KMT5A: variants seen among roughly 807,000 people sequenced by gnomAD.
KMT5A encodes the protein N-lysine methyltransferase KMT5A.
Under a neutral mutation model 40.6 loss-of-function variants are expected in KMT5A, and 6 were observed. The ratio of observed to expected loss-of-function variants is 0.15; its 90% CI spans 0.08 to 0.29. The LOEUF (loss-of-function observed/expected upper bound fraction) is 0.29. KMT5A is among the 10% of genes least tolerant of loss of function. KMT5A has a pLI of 1.00. For synonymous variants in KMT5A, 153 were observed against 178.8 expected, an observed-to-expected ratio of 0.86 and a Z score of 1.15; for missense variants, 308 against 459.1, an observed-to-expected ratio of 0.67 and a Z score of 3.01.
chr12:123,398,301 A>G (rs541845084), intron 5 of KMT5A, among the ~76,000 whole-genome samples: 1 of 150,756 alleles, frequency 6.6e-6, no homozygotes, highest in Admixed American at 6.6e-5. Flanking sequence ...AAAAGACAGC[A>G]CTGCAGATGG....
intron 3 of KMT5A, among the ~76,000 whole-genome samples, chr12:123,393,880 G>A (rs1877489917): frequency 6.6e-6 from 1 of 151,990 alleles, no homozygotes; most frequent in African/African-American, 2.4e-5. Flanking sequence ...TGGACATTTG[G>A]GTTGTTTCCA....
intron 1 of KMT5A, among the ~76,000 whole-genome samples, chr12:123,387,085 G>C (rs28565984): frequency 0.89 from 135,482 of 152,182 alleles, 60,435 homozygotes; most frequent in Middle Eastern, 0.95. Flanking sequence ...TCAAACTCCT[G>C]ATTTCAGGTG....
At chr12:123,390,122 G>C (rs761081287) in intron 2 of KMT5A, 63 of 468,052 alleles carry the variant, frequency 1.3e-4, no homozygotes, top group Non-Finnish European at 2.6e-4. Flanking sequence ...CAGCCCTGGA[G>C]GCTGCGGGGC....
Position 123,403,578 on chromosome 12 carries a change from A to G in KMT5A, c.603A>G (p.Glu201=), listed in dbSNP as rs1566081938. The change falls in exon 6 of 8, where the codon GAA becomes GAG. Residue 201 remains glutamate (E), a synonymous_variant. Transcript: ENST00000402868. ...SRKSKAELQS[E]ERKRIDELIE... ...TTTTCTTTCTCTCTGCCCAGTCTGAAGAAAGGAAAAGAATAGATGAATTGA... is the reference window on the plus strand; with the variant it reads ...TTTTCTTTCTCTCTGCCCAGTCTGAGGAAAGGAAAAGAATAGATGAATTGA... The G allele has an allele frequency of 6.2e-7, 1 of 1,614,202 alleles. No homozygotes were observed. The highest frequency in any genetic ancestry group is 8.5e-7 in the Non-Finnish European group (1 of 1,180,008).
intron 3 of KMT5A, among the ~76,000 whole-genome samples, chr12:123,393,213 G>T (rs1479055391): frequency 6.6e-6 from 1 of 152,108 alleles, no homozygotes; most frequent in African/African-American, 2.4e-5. Context: ...TGTTTATCTA[G>T]ATATAGTTAA....
chr12:123,403,253 C>T (rs1878312112), intron 5 of KMT5A, among the ~76,000 whole-genome samples: 1 of 152,222 alleles, frequency 6.6e-6, no homozygotes, highest in Admixed American at 6.5e-5. Flanking sequence ...CAGGTGTGGG[C>T]AAGTTGGACA....
Position 123,396,276 on chromosome 12 carries a change from T to C in KMT5A, c.510-69T>C, listed in dbSNP as rs573955992. On this transcript the variant is annotated intron_variant, in intron 4 of 7. Transcript: ENST00000402868. ...CTGTGTGCCTCCTCGGTGTGTGCCTTCTAAGGAGCTGTGTGCCTCCAGGTT... is the reference window on the plus strand; with the variant it reads ...CTGTGTGCCTCCTCGGTGTGTGCCTCCTAAGGAGCTGTGTGCCTCCAGGTT... 1.4e-5 allele frequency: 21 copies of C among 1,468,734 alleles called. No individual in the cohort carries two copies. In the African/African-American group the frequency reaches 2.8e-4, roughly 19 times the overall value. 91.0% of individuals were successfully genotyped at this position (1,468,734 alleles called of 1,614,324 possible). A position where few individuals can be genotyped will look rare whatever the true frequency, so the allele number is the denominator to read the frequency against.
intron 5 of KMT5A, among the ~76,000 whole-genome samples, chr12:123,398,959 G>T (rs936438248): frequency 6.6e-5 from 10 of 152,146 alleles, no homozygotes; most frequent in South Asian, 2.1e-4. Context: ...GCCAGGGCGG[G>T]CCTAGCGCCA....
At chr12:123,395,346 A>G (rs771611260) in intron 4 of KMT5A, 80 bp downstream of exon 4, 50 of 1,436,384 alleles carry the variant, frequency 3.5e-5, no homozygotes, top group Middle Eastern at 1.7e-4. Flanking sequence ...TCAGGTGCCC[A>G]TGGGGGTTCA....
chr12:123,395,280 T>A lies in KMT5A; in HGVS notation c.509+14T>A, dbSNP rs553027265. 86 of 1,609,144 alleles carry A rather than the reference T, an allele frequency of 5.3e-5. No homozygotes were observed. Among genetic ancestry groups the A allele is most frequent in the Non-Finnish European group, 6.2e-5 (73 of 1,177,960 alleles). Reference sequence around the variant, plus strand: ...CCCCCGAAAAAAGTAAGTGCCCCATTCAGTCCTCTTCCTAACGTGGAGCAG... The same window carrying A: ...CCCCCGAAAAAAGTAAGTGCCCCATACAGTCCTCTTCCTAACGTGGAGCAG... On this transcript the variant is annotated intron_variant, in intron 4 of 7. Transcript: ENST00000402868.
At chr12:123,396,313 T>C (rs758703703) in intron 4 of KMT5A, 32 bp from the exon 5 acceptor site, 39 of 1,607,598 alleles carry the variant, frequency 2.4e-5, no homozygotes, top group Non-Finnish European at 2.9e-5. Flanking sequence ...TCAGTCCTGA[T>C]ATTTATTTTC....
At chr12:123,389,302 C>A (rs1222310204) in intron 1 of KMT5A, 131 bp from the exon 2 acceptor site, 1 of 520,848 alleles carries the variant, frequency 1.9e-6, no homozygotes, top group Non-Finnish European at 2.4e-6. Context: ...GGCGGCTCAC[C>A]AGAGCCGGGG....
intron 1 of KMT5A, chr12:123,388,685 T>C (rs1593453834): frequency 6.6e-6 from 1 of 151,414 alleles, no homozygotes; most frequent in East Asian, 2.0e-4. Flanking sequence ...CCGCTGCTGA[T>C]TTCGTCTGGC....
rs1293691572 is a variant in KMT5A, at chr12:123,389,154, G to A, written c.11-279G>A. 4.6e-5 allele frequency: 6 copies of A among 129,254 alleles called. 1 individual carries two copies. The highest frequency in any genetic ancestry group is 8.5e-5 in the Non-Finnish European group (5 of 59,042). 8.0% of individuals were successfully genotyped at this position (129,254 alleles called of 1,614,324 possible). A position where few individuals can be genotyped will look rare whatever the true frequency, so the allele number is the denominator to read the frequency against. Reference sequence around the variant, plus strand: ...GGTGGCGGCGGCGAGGGCGCGGGGCGCGCCGCCATGGGCCTGGCCGGGCTG... The same window carrying A: ...GGTGGCGGCGGCGAGGGCGCGGGGCACGCCGCCATGGGCCTGGCCGGGCTG... On this transcript the variant is annotated intron_variant, in intron 1 of 7. Transcript: ENST00000402868.
rs57847836 is a variant in KMT5A at position 123,408,566 on chromosome 12, C to CTTTTTTTTT, written c.*875_*883dup. ...GGTCTTGAAGTGAGTGAAGTGGCTG[C>CTTTTTTTTT]TTTTTTTTTTTTTTTTTTTTGCTTT... On this transcript the variant is annotated 3_prime_UTR_variant, in exon 8 of 8. Coordinates refer to ENST00000402868, the MANE Select transcript of KMT5A (RefSeq NM_020382.7). 6.5e-5 allele frequency: 6 copies of CTTTTTTTTT among 91,884 alleles called. No individual in the cohort carries two copies. The highest frequency in any genetic ancestry group is 4.3e-4 in the South Asian group (1 of 2,304). The allele number at this position is 91,884 out of a possible 1,614,324, so 5.7% of individuals were successfully genotyped here.
intron 4 of KMT5A, 133 bp from the exon 5 acceptor site, chr12:123,396,212 A>C (rs1877708144): frequency 1.3e-6 from 1 of 758,458 alleles, no homozygotes; most frequent in Non-Finnish European, 2.1e-6. Flanking sequence ...TGCAGGCTCC[A>C]GTGGACAAAG....
Position 123,407,721 on chromosome 12 carries a change from C to T in KMT5A, c.*18C>T, listed in dbSNP as rs776212416. ...AGCATTAACCGGTGGGCCCCGTGCC[C>T]TCCCCGCCCCACTTTCCCTTCTTCA... On this transcript the variant is annotated 3_prime_UTR_variant, in exon 8 of 8. Transcript: ENST00000402868. 1 of 1,594,314 alleles carries T rather than the reference C, an allele frequency of 6.3e-7. No homozygotes were observed. Among genetic ancestry groups the T allele is most frequent in the Non-Finnish European group, 8.6e-7 (1 of 1,168,486 alleles).
At chr12:123,400,937 A>G (rs28866344) in intron 5 of KMT5A, among the ~76,000 whole-genome samples, 134,019 of 151,782 alleles carry the variant, frequency 0.88, 59,288 homozygotes, top group Middle Eastern at 0.95. Context: ...TTGGATTACA[A>G]GTGTGCACCA....
chr12:123,405,105 C>A, intron 7 of KMT5A, 31 bp downstream of exon 7: 1 of 1,579,794 alleles, frequency 6.3e-7, no homozygotes, highest in South Asian at 1.1e-5. Context: ...AGTGGCTTTT[C>A]TGTCCTCTGG....
Sources: allele counts gnomAD v4.1 joint callset (sites outside exome capture counted in the v4.1 genomes callset), GRCh38; gene constraint gnomAD v4.1.1; transcripts MANE v1.5; gene names NCBI Gene and HGNC (gene_info 2026-07-23, HGNC 2026-07-21).